The following ABCA10 variants were observed in gnomAD, a reference collection of about 807,000 sequenced individuals.
ABCA10 encodes ATP-binding cassette sub-family A member 10.
In ABCA10, 169 loss-of-function variants were observed where a neutral mutation model predicts 187.5. The observed-to-expected ratio is 0.90, with a 90% confidence interval of 0.80 to 1.02. The LOEUF is 1.02. Among genes scored for constraint, ABCA10 ranks in the 50% least tolerant of loss-of-function variants. ABCA10 has a pLI of 0.00. For synonymous variants in ABCA10, 574 were observed against 601.8 expected, an observed-to-expected ratio of 0.95 and a Z score of 0.68; for missense variants, 1,727 against 1,812.4, an observed-to-expected ratio of 0.95 and a Z score of 0.86.
chr17:69,186,203 G>C (rs1039091397), intron 19 of ABCA10, among the ~76,000 whole-genome samples: 1 of 151,986 alleles, frequency 6.6e-6, no homozygotes, highest in Non-Finnish European at 1.5e-5. Flanking sequence ...AATAAGCCAT[G>C]AGTCCACTCT....
intron 25 of ABCA10, among the ~76,000 whole-genome samples, chr17:69,173,897 TAA>T (rs1042992648): frequency 1.3e-5 from 2 of 152,100 alleles, no homozygotes; most frequent in African/African-American, 4.8e-5. Flanking sequence ...GAGAATTATT[TAA>T]GAGAAAAACA....
chr17:69,154,246 T>C lies in ABCA10; in HGVS notation c.3775A>G (p.Thr1259Ala), dbSNP rs375144849. 12 of 1,610,498 alleles carry C rather than the reference T, an allele frequency of 7.5e-6. No homozygotes were observed. In the Admixed American group the frequency reaches 8.4e-5, roughly 11 times the overall value. Residue 1259 changes from threonine (T) to alanine (A), a missense_variant, in exon 31 of 39, where the codon ACT becomes GCT. Transcript: ENST00000690296. Reference sequence around the variant, plus strand: ...CACATGTCACATACCACTCCTGCAGTTGGCTTTGTGCACCCAGTTATCATT... The same window carrying C: ...CACATGTCACATACCACTCCTGCAGCTGGCTTTGTGCACCCAGTTATCATT... ...IKMITGCTKP[T>A]AGVVVLQGSR...
chr17:69,155,713 A>G, intron 29 of ABCA10, 92 bp downstream of exon 29: 1 of 1,443,610 alleles, frequency 6.9e-7, no homozygotes, highest in Non-Finnish European at 9.3e-7. Flanking sequence ...AAGAAACTAA[A>G]GCAGCTTTTC....
chr17:69,235,366 T>G (rs2074860966), intron 1 of ABCA10, among the ~76,000 whole-genome samples: 1 of 152,234 alleles, frequency 6.6e-6, no homozygotes, highest in Non-Finnish European at 1.5e-5. Context: ...CTTTTCAACC[T>G]CTAGCTGTTC....
chr17:69,153,675 C>G, intron 32 of ABCA10, 129 bp from the exon 33 acceptor site: 1 of 1,438,340 alleles, frequency 7.0e-7, no homozygotes, highest in Non-Finnish European at 9.4e-7. Context: ...TTCATAAATG[C>G]TAAATCTTAT....
At chr17:69,174,808 G>C (rs1598096458) in intron 23 of ABCA10, 31 bp from the exon 24 acceptor site, 1 of 1,488,968 alleles carries the variant, frequency 6.7e-7, no homozygotes, top group Non-Finnish European at 9.0e-7. Flanking sequence ...TAGAGGAAGG[G>C]ATCTTAGTTT....
In ABCA10 at chr17:69,192,003, A is replaced by AT. The variant is rs539989402; in HGVS notation, c.1871+559dup. ...ATGGCTTATTGAGGACATAAAGATA[A>AT]TTTTTTTCTATACAAATATTGGCTT... On this transcript the variant is annotated intron_variant, in intron 16 of 38. Transcript: ENST00000690296. 1.8e-3 allele frequency among the ~76,000 whole-genome samples: 279 copies of AT among 152,256 alleles called. 1 individual carries two copies. Among genetic ancestry groups the AT allele is most frequent in the Non-Finnish European group, 3.1e-3 (214 of 68,016 alleles).
At position 69,225,435 on chromosome 17, in the gene ABCA10, A is replaced by G; in HGVS notation, c.-77T>C. 1 of 1,500,584 alleles carries G rather than the reference A, an allele frequency of 6.7e-7. No homozygotes were observed. The highest frequency in any genetic ancestry group is 9.2e-7 in the Non-Finnish European group (1 of 1,084,308). 93.0% of individuals were successfully genotyped at this position (1,500,584 alleles called of 1,614,324 possible). On this transcript the variant is annotated 5_prime_UTR_variant, in exon 3 of 39. Transcript: ENST00000690296. ...GTCATTAAACTGATCCACGCTTCCC[A>G]GGACTTTAGGAGGTTGTTCAGGAAA...
chr17:69,197,273 A>G (rs1216768521), intron 10 of ABCA10, 151 bp from the exon 11 acceptor site: 12 of 548,020 alleles, frequency 2.2e-5, no homozygotes, highest in Non-Finnish European at 3.8e-5. Context: ...TCCCCTGACC[A>G]CTCCCAAAAG....
chr17:69,160,922 G>A (rs772422239), intron 27 of ABCA10, among the ~76,000 whole-genome samples: 5 of 152,148 alleles, frequency 3.3e-5, no homozygotes, highest in Non-Finnish European at 7.4e-5. Flanking sequence ...TTATCCAGAA[G>A]AACTGAAAGT....
intron 34 of ABCA10, among the ~76,000 whole-genome samples, chr17:69,152,802 GTAAATAAA>G (rs35681422): frequency 3.9e-4 from 59 of 149,726 alleles, no homozygotes; most frequent in East Asian, 3.0e-3. Flanking sequence ...ATACAATTAA[GTAAATAAA>G]TAAATAAATA....
At chr17:69,163,532 A>T (rs991952128) in intron 27 of ABCA10, among the ~76,000 whole-genome samples, 1 of 152,242 alleles carries the variant, frequency 6.6e-6, no homozygotes, top group African/African-American at 2.4e-5. Flanking sequence ...AATGTATAAA[A>T]GTTTATAAAT....
chr17:69,233,325 A>G (rs752770311), upstream of ABCA10: 11 of 150,954 alleles, frequency 7.3e-5, no homozygotes, highest in South Asian at 2.1e-4. Context: ...TTTTTATTCT[A>G]TTTGATCAGT....
intron 4 of ABCA10, among the ~76,000 whole-genome samples, chr17:69,222,190 A>G (rs1166252589): frequency 1.3e-5 from 2 of 151,980 alleles, no homozygotes; most frequent in Non-Finnish European, 2.9e-5. Flanking sequence ...CCCCATCTCT[A>G]CTAAAAATAC....
rs529673492 is a variant in ABCA10, at chr17:69,225,056, T to C, written c.34+269A>G. 2.6e-3 allele frequency among the ~76,000 whole-genome samples: 389 copies of C among 152,194 alleles called. 2 individuals are homozygous for C. The highest frequency in any genetic ancestry group is 6.8e-3 in the Middle Eastern group (2 of 294). On this transcript the variant is annotated intron_variant, in intron 3 of 38. Transcript: ENST00000690296. ...TGTATCATCTAAAATGGGTCCAATC[T>C]TTTTTTCCTACTGCAACAATATGTT...
intron 34 of ABCA10, among the ~76,000 whole-genome samples, 183 bp downstream of exon 34, chr17:69,153,122 T>C (rs1191173726): frequency 2.0e-5 from 3 of 152,174 alleles, no homozygotes; most frequent in Admixed American, 2.0e-4. Flanking sequence ...TCTTAAAATA[T>C]CTATTTTTTC....
chr17:69,222,658 T>G lies in ABCA10; in HGVS notation c.74A>C (p.Asp25Ala). ...VIGTPDEETM[D>A]IELPKKYHEM... Reference sequence around the variant, plus strand: ...ATGGTATTTTTTTGGAAGTTCTATATCCATGGTCTCTTCATCTGGTGTCCC... The same window carrying G: ...ATGGTATTTTTTTGGAAGTTCTATAGCCATGGTCTCTTCATCTGGTGTCCC... Residue 25 changes from aspartate (D) to alanine (A), a missense_variant, in exon 4 of 39, where the codon GAT becomes GCT. Asp to Ala is a moderately radical substitution (Grantham distance 126, BLOSUM62 -2). Transcript: ENST00000690296. The G allele has an allele frequency of 6.3e-7, 1 of 1,596,412 alleles. No homozygotes were observed. Among genetic ancestry groups the G allele is most frequent in the Non-Finnish European group, 8.5e-7 (1 of 1,175,918 alleles).
At chr17:69,242,747 T>C (rs2074912206) in intron 1 of ABCA10, among the ~76,000 whole-genome samples, 1 of 152,184 alleles carries the variant, frequency 6.6e-6, no homozygotes, top group African/African-American at 2.4e-5. Flanking sequence ...GCACCCGGTC[T>C]GAGGAATTCA....
rs370662959 is a variant in ABCA10, at chr17:69,150,093, T to A, written c.4398-30A>T. On this transcript the variant is annotated intron_variant, in intron 36 of 38. Coordinates refer to ENST00000690296, the MANE Select transcript of ABCA10 (RefSeq NM_001377321.1). ...CAGGAAGAAGAGTGAGATTTATTAC[T>A]AAGTTTCAGTGTGATAATACGGGGG... 3.3e-6 allele frequency: 5 copies of A among 1,527,658 alleles called. No individual in the cohort carries two copies. In the African/African-American group the frequency reaches 6.9e-5, roughly 21 times the overall value. The allele number at this position is 1,527,658 out of a possible 1,614,324, so 94.6% of individuals were successfully genotyped here.
Sources: allele counts gnomAD v4.1 joint callset (sites outside exome capture counted in the v4.1 genomes callset), GRCh38; gene constraint gnomAD v4.1.1; transcripts MANE v1.5; gene names NCBI Gene and HGNC (gene_info 2026-07-23, HGNC 2026-07-21).